The following DGCR2 variants were observed in gnomAD, a reference collection of about 807,000 sequenced individuals.
DGCR2 encodes DiGeorge syndrome critical region gene 2.
In DGCR2, 24 loss-of-function variants were observed where a neutral mutation model predicts 51.6. That is an observed-to-expected ratio of 0.47 (90% confidence interval 0.34 to 0.65). DGCR2 has a LOEUF of 0.65. DGCR2 is among the 30% of genes least tolerant of loss of function. The pLI, the probability that DGCR2 is intolerant of heterozygous loss-of-function variation, is 0.01. For missense variants in DGCR2, 765 were observed against 772.1 expected, an observed-to-expected ratio of 0.99 and a Z score of 0.11; for synonymous variants, 340 against 315.4, an observed-to-expected ratio of 1.08 and a Z score of -0.82.
rs79840601 is a variant in DGCR2, at chr22:19,041,130, C to T, written c.1324G>A (p.Gly442Ser). Residue 442 changes from glycine to serine, a missense_variant, in exon 9 of 10, where the codon GGC becomes AGC. Coordinates refer to ENST00000263196, the MANE Select transcript of DGCR2 (RefSeq NM_005137.3). ...GGCGGCGGAGGGTCGTCGGGCTGGC[C>T]GATGTCCGGGTACTTGTATGCCGTG... The part of the protein sequence containing the change: ...PYTAYKYPDI[G>S]QPDDPPPPYE... The T allele has an allele frequency of 0.012, 19,375 of 1,613,886 alleles. 768 individuals carry two copies. The highest frequency in any genetic ancestry group is 0.08 in the Admixed American group (4,780 of 59,986).
intron 1 of DGCR2, among the ~76,000 whole-genome samples, chr22:19,094,350 A>G (rs1023514880): frequency 1.3e-5 from 2 of 152,232 alleles, no homozygotes; most frequent in Non-Finnish European, 2.9e-5. Flanking sequence ...GCTTGAACCC[A>G]GGAGACAGAG....
At chr22:19,119,796 A>G (rs1160557856) in intron 1 of DGCR2, among the ~76,000 whole-genome samples, 5 of 150,724 alleles carry the variant, frequency 3.3e-5, no homozygotes, top group Non-Finnish European at 5.9e-5. Flanking sequence ...TTGCTGCCCC[A>G]TAACTCCATG....
At chr22:19,098,862 G>A (rs1007290384) in intron 1 of DGCR2, among the ~76,000 whole-genome samples, 24 of 152,036 alleles carry the variant, frequency 1.6e-4, no homozygotes, top group African/African-American at 5.6e-4. Context: ...TCAAAGTTTT[G>A]GGATTACAGG....
intron 5 of DGCR2, 41 bp downstream of exon 5, chr22:19,063,161 C>A (rs758308986): frequency 4.4e-6 from 7 of 1,589,554 alleles, no homozygotes; most frequent in Non-Finnish European, 5.2e-6. Context: ...CAGGGTGACT[C>A]TGCCCAGCTT....
Position 19,094,989 on chromosome 22 carries a change from G to A in DGCR2, c.80-5499C>T, listed in dbSNP as rs114068644. On this transcript the variant is annotated intron_variant, in intron 1 of 9. Transcript: ENST00000263196. ...GGTGGGAGGGATTACAAAGGAGCAC[G>A]AGAAAATGTTTGGGGTGACGATACG... Among the ~76,000 whole-genome samples, 1,170 of 152,322 alleles carry A rather than the reference G, an allele frequency of 7.7e-3. 19 individuals are homozygous for A. The highest frequency in any genetic ancestry group is 0.026 in the African/African-American group (1,091 of 41,572).
chr22:19,086,255 A>C (rs1325418082), intron 2 of DGCR2, among the ~76,000 whole-genome samples: 2 of 152,070 alleles, frequency 1.3e-5, no homozygotes, highest in African/African-American at 4.8e-5. Context: ...AGGAGAGCGG[A>C]TCACAAGGTC....
chr22:19,063,537 G>T (rs531644739), intron 4 of DGCR2, among the ~76,000 whole-genome samples: 1 of 148,282 alleles, frequency 6.7e-6, no homozygotes, highest in East Asian at 2.0e-4. Flanking sequence ...TTTTAGTAGA[G>T]ACGGGGTTTC....
intron 5 of DGCR2, among the ~76,000 whole-genome samples, chr22:19,062,774 T>TTTTTTCTCTCTCTCTC (rs1569052709): frequency 8.8e-5 from 10 of 113,868 alleles, no homozygotes; most frequent in Non-Finnish European, 1.1e-4. Context: ...CACACATGCA[T>TTTTTTCTCTCTCTCTC]GCTCACTCTC....
chr22:19,099,918 C>T (rs1333295498), intron 1 of DGCR2, among the ~76,000 whole-genome samples: 2 of 151,254 alleles, frequency 1.3e-5, no homozygotes, highest in East Asian at 1.9e-4. Flanking sequence ...TGCAGTGAGC[C>T]GAGATTGTAC....
intron 1 of DGCR2, among the ~76,000 whole-genome samples, chr22:19,094,540 C>A (rs1436401875): frequency 1.3e-5 from 2 of 152,214 alleles, no homozygotes; most frequent in Admixed American, 6.5e-5. Context: ...CTGGAACTCT[C>A]CCAGTGAAAA....
Position 19,039,018 on chromosome 22 carries a change from C to T in DGCR2, c.1500G>A (p.Ala500=), listed in dbSNP as rs148320425. Residue 500 remains alanine, a synonymous_variant, in exon 10 of 10, where the codon GCG becomes GCA. Coordinates refer to ENST00000263196, the MANE Select transcript of DGCR2 (RefSeq NM_005137.3). The part of the protein sequence containing the change: ...LRRLEQPLPT[A]GASLADLEDS... ...CTTCCAGGTCTGCCAGAGAGGCCCC[C>T]GCAGTGGGCAGAGGCTGCTCCAGGC... is the stretch of plus-strand genomic sequence containing the variant. 1,221 of 1,612,668 alleles carry T rather than the reference C, an allele frequency of 7.6e-4. 3 individuals are homozygous for T. Among genetic ancestry groups the T allele is most frequent in the Middle Eastern group, 2.3e-3 (14 of 6,020 alleles).
chr22:19,112,439 T>A (rs1328791565), intron 1 of DGCR2, among the ~76,000 whole-genome samples: 1 of 102,468 alleles, frequency 9.8e-6, no homozygotes, highest in East Asian at 2.6e-4. Flanking sequence ...CAAAACAGGT[T>A]TTTTTTTTGG....
rs560985375 is a variant in DGCR2 at position 19,080,656 on chromosome 22, C to T, written c.202+8712G>A. 3.3e-5 allele frequency among the ~76,000 whole-genome samples: 5 copies of T among 152,138 alleles called. No individual in the cohort carries two copies. In the East Asian group the frequency reaches 7.8e-4, roughly 24 times the overall value. On this transcript the variant is annotated intron_variant, in intron 2 of 9. Coordinates refer to ENST00000263196, the MANE Select transcript of DGCR2 (RefSeq NM_005137.3). ...TTCAAGACCAGCCTCAGCAACAGGG[C>T]GAGACCTCGTCTCTACAAAAAATTT...
chr22:19,064,191 C>G (rs2082721608), intron 4 of DGCR2, among the ~76,000 whole-genome samples: 1 of 152,240 alleles, frequency 6.6e-6, no homozygotes. Flanking sequence ...CACACTCTGC[C>G]CTATGCTGTG....
Position 19,057,068 on chromosome 22 carries a change from A to G in DGCR2, c.720T>C (p.His240=), listed in dbSNP as rs755937714. ...NVFCAQLQCF[H]FPTLRHHDLH... is the part of the protein sequence containing the mutation. ...GGTCGTGGTGCCGCAGGGTGGGGAAATGGAAGCACTGAAGCTGGGCACAGA... is the reference window on the plus strand; with the variant it reads ...GGTCGTGGTGCCGCAGGGTGGGGAAGTGGAAGCACTGAAGCTGGGCACAGA... The change falls in exon 6 of 10, where the codon CAT becomes CAC. Residue 240 remains histidine, a synonymous_variant. Transcript: ENST00000263196. This position sits in a 1 kb window ranked among gnomAD's most constrained non-coding sequence, Gnocchi z 5.1. 1.6e-5 allele frequency: 25 copies of G among 1,602,610 alleles called. No individual in the cohort carries two copies. The highest frequency in any genetic ancestry group is 2.0e-5 in the Non-Finnish European group (24 of 1,174,686).
At chr22:19,063,024 CTGAT>C (rs1164304496) in intron 5 of DGCR2, among the ~76,000 whole-genome samples, 174 bp downstream of exon 5, 11 of 152,292 alleles carry the variant, frequency 7.2e-5, no homozygotes, top group Non-Finnish European at 1.3e-4. Flanking sequence ...AATGCAGGGC[CTGAT>C]CTGCAGGCTG....
At chr22:19,078,210 G>A (rs947404826) in intron 2 of DGCR2, among the ~76,000 whole-genome samples, 5 of 152,196 alleles carry the variant, frequency 3.3e-5, no homozygotes, top group South Asian at 2.1e-4. Flanking sequence ...CTTTAGTACA[G>A]ACAGACCCCC....
intron 7 of DGCR2, 47 bp downstream of exon 7, chr22:19,048,392 AG>A (rs754362372): frequency 3.1e-6 from 5 of 1,603,168 alleles, no homozygotes; most frequent in Non-Finnish European, 4.3e-6. Flanking sequence ...CCCAGCCTCC[AG>A]CCCCAAATAG....
chr22:19,091,313 C>T (rs1226012948), intron 1 of DGCR2, among the ~76,000 whole-genome samples: 3 of 152,128 alleles, frequency 2.0e-5, no homozygotes, highest in East Asian at 1.9e-4. Context: ...GAGCTATAAT[C>T]GTGCTACTGC....
Sources: allele counts gnomAD v4.1 joint callset (sites outside exome capture counted in the v4.1 genomes callset), GRCh38; gene constraint gnomAD v4.1.1; non-coding constraint Gnocchi (gnomAD v3.1); transcripts MANE v1.5; gene names NCBI Gene and HGNC (gene_info 2026-07-23, HGNC 2026-07-21).